Variants in ACTR3C observed in about 807,000 individuals in gnomAD.
ACTR3C encodes actin-related protein 3C.
In ACTR3C, 18 loss-of-function variants were observed where a neutral mutation model predicts 26.3. That is an observed-to-expected ratio of 0.68 (90% CI 0.47 to 1.01). ACTR3C has a LOEUF of 1.01. Among genes scored for constraint, ACTR3C ranks in the 50% least tolerant of loss-of-function variants. The pLI is 0.00. For synonymous variants in ACTR3C, 55 were observed against 94.5 expected, an observed-to-expected ratio of 0.58 and a Z score of 2.42; for missense variants, 184 against 250.7, an observed-to-expected ratio of 0.73 and a Z score of 1.80.
At chr7:150,106,148 TA>T in the ACTR3C span, among the ~76,000 whole-genome samples, 1 of 151,812 alleles carries the variant, frequency 6.6e-6, no homozygotes, top group South Asian at 2.1e-4. Flanking sequence ...CCTGCAAGTC[TA>T]AATCCACTGT....
the ACTR3C span, among the ~76,000 whole-genome samples, chr7:149,932,804 A>T: frequency 6.6e-6 from 1 of 151,484 alleles, no homozygotes; most frequent in Non-Finnish European, 1.5e-5. Flanking sequence ...AGAACAACCC[A>T]GGCACCTATT....
At chr7:150,173,382 A>T in the ACTR3C span, among the ~76,000 whole-genome samples, 1 of 146,266 alleles carries the variant, frequency 6.8e-6, no homozygotes, top group African/African-American at 2.8e-5. Context: ...TGAGTTCTAC[A>T]TTGGCCCCTT....
the ACTR3C span, among the ~76,000 whole-genome samples, chr7:150,162,168 A>C: frequency 5.3e-5 from 8 of 152,206 alleles, no homozygotes; most frequent in Non-Finnish European, 8.8e-5. Flanking sequence ...AGGAAAATAC[A>C]AATGAAATAA....
At chr7:150,125,866 G>A in the ACTR3C span, among the ~76,000 whole-genome samples, 6 of 152,292 alleles carry the variant, frequency 3.9e-5, no homozygotes, top group South Asian at 4.1e-4. Context: ...AGAAGCCAGC[G>A]CATTAGGAAG....
At chr7:150,190,999 C>A in the ACTR3C span, among the ~76,000 whole-genome samples, 1 of 152,106 alleles carries the variant, frequency 6.6e-6, no homozygotes, top group Non-Finnish European at 1.5e-5. Context: ...CAATTACCTC[C>A]CACCAGGTCC....
Position 150,279,345 on chromosome 7 carries a change from T to A in ACTR3C, c.564+5408A>T, listed in dbSNP as rs1051784311. Among the ~76,000 whole-genome samples the A allele has an allele frequency of 3.3e-5, 5 of 152,184 alleles. 1 individual carries two copies. Among genetic ancestry groups the A allele is most frequent in the Admixed American group, 1.3e-4 (2 of 15,276 alleles). The stretch of plus-strand genomic sequence containing the variant: ...TATTTATTTTATATCTATAACCCAT[T>A]TACCCTGCAACATGCTTCTCTAGTT... On this transcript the variant is annotated intron_variant, in intron 6 of 7. Transcript: ENST00000683684.
chr7:149,906,030 A>G, the ACTR3C span, among the ~76,000 whole-genome samples: 1 of 152,206 alleles, frequency 6.6e-6, no homozygotes, highest in East Asian at 1.9e-4. Flanking sequence ...CCCAAAAGGA[A>G]AAAAATCGTT....
the ACTR3C span, among the ~76,000 whole-genome samples, chr7:150,169,269 G>A: frequency 1.3e-5 from 2 of 149,916 alleles, no homozygotes; most frequent in African/African-American, 5.1e-5. Context: ...TGTAGTTACA[G>A]CTACTTGGGA....
the ACTR3C span, among the ~76,000 whole-genome samples, chr7:150,038,676 A>T: frequency 6.9e-6 from 1 of 144,784 alleles, no homozygotes; most frequent in Non-Finnish European, 1.5e-5. Context: ...GAAGATTTGA[A>T]CTTTCTACTT....
chr7:150,284,892 A>C, intron 5 of ACTR3C, 47 bp from the exon 6 acceptor site: 7 of 1,550,554 alleles, frequency 4.5e-6, no homozygotes, highest in Non-Finnish European at 6.1e-6. Flanking sequence ...TTTCTCTCAA[A>C]TAGAACAACA....
At chr7:150,255,229 A>C (rs1171757922) in intron 6 of ACTR3C, among the ~76,000 whole-genome samples, 1 of 148,478 alleles carries the variant, frequency 6.7e-6, no homozygotes, top group Non-Finnish European at 1.5e-5. Context: ...ATCTGCCAAA[A>C]GTTTTGTAGG....
the ACTR3C span, among the ~76,000 whole-genome samples, chr7:150,231,541 G>A: frequency 5.3e-5 from 8 of 150,478 alleles, no homozygotes; most frequent in South Asian, 1.7e-3. Context: ...GAAAATGGTG[G>A]CATGATGCAT....
the ACTR3C span, among the ~76,000 whole-genome samples, chr7:149,991,799 T>C: frequency 5.3e-5 from 8 of 152,242 alleles, no homozygotes; most frequent in South Asian, 4.1e-4. Flanking sequence ...GGTGCAATCA[T>C]GGCTCAGTGC....
chr7:150,109,348 C>T, the ACTR3C span, among the ~76,000 whole-genome samples: 108 of 152,046 alleles, frequency 7.1e-4, 3 homozygotes, highest in African/African-American at 2.4e-3. Context: ...GGTTTCTTCC[C>T]TATTTTTCTT....
the ACTR3C span, among the ~76,000 whole-genome samples, chr7:150,225,527 C>A: frequency 4.6e-5 from 7 of 152,130 alleles, no homozygotes; most frequent in African/African-American, 1.7e-4. Flanking sequence ...GGTATCAGAA[C>A]GTTTAACCTG....
At chr7:149,948,055 G>C in the ACTR3C span, among the ~76,000 whole-genome samples, 1 of 146,316 alleles carries the variant, frequency 6.8e-6, no homozygotes, top group Non-Finnish European at 1.5e-5. Flanking sequence ...CTGTCCCCCA[G>C]AAGCAGCCCC....
At chr7:150,036,177 G>A in the ACTR3C span, among the ~76,000 whole-genome samples, 1 of 139,858 alleles carries the variant, frequency 7.2e-6, no homozygotes, top group Non-Finnish European at 1.6e-5. Flanking sequence ...CCCGCGATGG[G>A]AGTCCCAAGA....
At chr7:150,157,154 G>A in the ACTR3C span, among the ~76,000 whole-genome samples, 5 of 146,518 alleles carry the variant, frequency 3.4e-5, no homozygotes, top group Non-Finnish European at 5.9e-5. Flanking sequence ...CATCAAGTCG[G>A]TGAACTTTGC....
chr7:150,001,480 C>G, the ACTR3C span: 1 of 152,436 alleles, frequency 6.6e-6, no homozygotes, highest in African/African-American at 2.4e-5. Context: ...GCCACGTGCT[C>G]AGAGAGCTAA....
Sources: allele counts gnomAD v4.1 joint callset (sites outside exome capture counted in the v4.1 genomes callset), GRCh38; gene constraint gnomAD v4.1.1; transcripts MANE v1.5; gene names NCBI Gene and HGNC (gene_info 2026-07-23, HGNC 2026-07-21).